IGSF3: variants seen among roughly 807,000 people sequenced by gnomAD.
IGSF3 encodes immunoglobulin superfamily member 3.
Under a neutral mutation model 114.4 loss-of-function variants are expected in IGSF3, and 23 were observed. That is an observed-to-expected ratio of 0.20 (90% confidence interval 0.14 to 0.28). The LOEUF (loss-of-function observed/expected upper bound fraction) is 0.28. IGSF3 is among the 10% of genes least tolerant of loss of function. The pLI is 1.00. For synonymous variants in IGSF3, 571 were observed against 645.2 expected, an observed-to-expected ratio of 0.88 and a Z score of 1.74; for missense variants, 1,172 against 1,591.5, an observed-to-expected ratio of 0.74 and a Z score of 4.48.
chr1:116,646,033 C>A (rs766235410), intron 2 of IGSF3, among the ~76,000 whole-genome samples: 25 of 152,228 alleles, frequency 1.6e-4, no homozygotes, highest in African/African-American at 2.7e-4. Flanking sequence ...TTGCAAAAGG[C>A]CAGCCTGGCT....
chr1:116,616,387 G>A lies in IGSF3; in HGVS notation c.114C>T (p.Ile38=). The stretch of plus-strand genomic sequence containing the variant: ...AGCCACTCACATTGCACCAGATAGT[G>A]ATGTGGGAGCCCTCCGTGCGGTACA... The part of the protein sequence containing the change: ...GPLYRTEGSH[I]TIWCNVSGYQ... Residue 38 remains isoleucine (I), a synonymous_variant, in exon 3 of 11, where the codon ATC becomes ATT. Coordinates refer to ENST00000369486, the MANE Select transcript of IGSF3 (RefSeq NM_001007237.3). This position sits in a 1 kb window ranked among gnomAD's most constrained non-coding sequence, Gnocchi z 6.6. 1.9e-6 allele frequency: 3 copies of A among 1,610,818 alleles called. No homozygotes were observed. Among genetic ancestry groups the A allele is most frequent in the Non-Finnish European group, 2.5e-6 (3 of 1,178,708 alleles).
chr1:116,627,906 A>G lies in IGSF3; in HGVS notation c.44-11449T>C, dbSNP rs1247686556. Among the ~76,000 whole-genome samples, 1 of 151,980 alleles carries G rather than the reference A, an allele frequency of 6.6e-6. No individual in the cohort carries two copies. Among genetic ancestry groups the G allele is most frequent in the Non-Finnish European group, 1.5e-5 (1 of 68,020 alleles). ...CAAAGGAACCTCAGAGCCGTGTCCT[A>G]CTCAGAGCAGCCCCTTCAGCTCTTC... On this transcript the variant is annotated intron_variant, in intron 2 of 10. Transcript: ENST00000369486. This position sits in a 1 kb window ranked among gnomAD's most constrained non-coding sequence, Gnocchi z 4.7.
intron 2 of IGSF3, chr1:116,646,913 C>T (rs1648402490): frequency 6.6e-6 from 1 of 152,302 alleles, no homozygotes; most frequent in African/African-American, 2.4e-5. Flanking sequence ...GCCAGCACCG[C>T]ACACTTAAAC....
chr1:116,602,970 C>T (rs980729598), intron 6 of IGSF3, among the ~76,000 whole-genome samples: 6 of 152,168 alleles, frequency 3.9e-5, no homozygotes, highest in African/African-American at 7.2e-5. Context: ...GTATGGGCCC[C>T]GTCAGGTAGT....
chr1:116,635,249 C>G (rs1187998844), intron 2 of IGSF3, among the ~76,000 whole-genome samples: 2 of 152,294 alleles, frequency 1.3e-5, no homozygotes, highest in Middle Eastern at 3.4e-3. Context: ...CTTGACCAAG[C>G]CCTTGAGTCA....
chr1:116,579,906 A>AG lies in IGSF3; in HGVS notation c.2849-30dup. ...GGGAATGACAAGGGACAAACAGGGA[A>AG]GGGGTTGTTTAAATTTATTTGCTCA... On this transcript the variant is annotated intron_variant, in intron 9 of 10. Coordinates refer to ENST00000369486, the MANE Select transcript of IGSF3 (RefSeq NM_001007237.3). The surrounding 1 kb of genome is among the most constrained non-coding windows in gnomAD (Gnocchi z 6.4). The AG allele has an allele frequency of 6.4e-7, 1 of 1,556,944 alleles. No individual in the cohort carries two copies. The highest frequency in any genetic ancestry group is 1.2e-5 in the South Asian group (1 of 84,786).
Position 116,629,503 on chromosome 1 carries a change from CAG to C in IGSF3, c.44-13048_44-13047del, listed in dbSNP as rs1353892383. ...CCTCATAAAACCCAAAAAAAGAAGT[CAG>C]AGAGGGGTGAATATTTTGGTACAGA... On this transcript the variant is annotated intron_variant, in intron 2 of 10. Transcript: ENST00000369486. The surrounding 1 kb of genome is among the most constrained non-coding windows in gnomAD (Gnocchi z 4.3). Among the ~76,000 whole-genome samples, 1 of 152,056 alleles carries C rather than the reference CAG, an allele frequency of 6.6e-6. No individual in the cohort carries two copies. Among genetic ancestry groups the C allele is most frequent in the African/African-American group, 2.4e-5 (1 of 41,398 alleles).
chr1:116,666,180 TC>T, intron 2 of IGSF3, 103 bp downstream of exon 2: 1 of 1,106,044 alleles, frequency 9.0e-7, no homozygotes, highest in Non-Finnish European at 1.4e-6. Context: ...CCTCCTGGTG[TC>T]CCCCAAATCC....
chr1:116,591,525 G>T (rs1193132388), intron 7 of IGSF3, among the ~76,000 whole-genome samples: 1 of 152,208 alleles, frequency 6.6e-6, no homozygotes, highest in Non-Finnish European at 1.5e-5. Flanking sequence ...TGAATTCAAG[G>T]AAGAGAAATG....
In IGSF3 at chr1:116,642,449, G is replaced by A. The variant is rs1378403690; in HGVS notation, c.43+23835C>T. On this transcript the variant is annotated intron_variant, in intron 2 of 10. Transcript: ENST00000369486. This position sits in a 1 kb window ranked among gnomAD's most constrained non-coding sequence, Gnocchi z 5.4. The stretch of plus-strand genomic sequence containing the variant: ...GGAGTCCCCACGCTTAGGGGAAGGG[G>A]CTCAGGCACTGGGAGTCGGTCAGGG... Among the ~76,000 whole-genome samples, 1 of 152,158 alleles carries A rather than the reference G, an allele frequency of 6.6e-6. No homozygotes were observed. Among genetic ancestry groups the A allele is most frequent in the Non-Finnish European group, 1.5e-5 (1 of 68,024 alleles).
intron 2 of IGSF3, among the ~76,000 whole-genome samples, chr1:116,640,919 T>C (rs768476777): frequency 9.9e-5 from 15 of 152,232 alleles, no homozygotes; most frequent in Non-Finnish European, 1.8e-4. Flanking sequence ...CAATCAGATA[T>C]AAGGATGAAA....
chr1:116,641,265 T>C (rs1235066408), intron 2 of IGSF3, among the ~76,000 whole-genome samples: 1 of 151,868 alleles, frequency 6.6e-6, no homozygotes, highest in Non-Finnish European at 1.5e-5. Flanking sequence ...TGGAAGGCCA[T>C]GGCAGAGGAT....
chr1:116,611,491 A>G (rs1169566509), intron 4 of IGSF3, among the ~76,000 whole-genome samples: 1 of 152,102 alleles, frequency 6.6e-6, no homozygotes, highest in Non-Finnish European at 1.5e-5. Context: ...CTTGGCTCAC[A>G]GAGTCAAGCC....
In IGSF3 at chr1:116,666,775, A is replaced by C. The variant is rs962546221; in HGVS notation, c.-449T>G. On this transcript the variant is annotated 5_prime_UTR_variant, in exon 2 of 11. Coordinates refer to ENST00000369486, the MANE Select transcript of IGSF3 (RefSeq NM_001007237.3). Reference sequence around the variant, plus strand: ...CAGAGAGAACAGGGCAGGTTTCGTCAAAACCTTTGACGGCCAAATCACCCT... The same window carrying C: ...CAGAGAGAACAGGGCAGGTTTCGTCCAAACCTTTGACGGCCAAATCACCCT... 12 of 414,602 alleles carry C rather than the reference A, an allele frequency of 2.9e-5. No homozygotes were observed. Among genetic ancestry groups the C allele is most frequent in the Non-Finnish European group, 5.1e-5 (12 of 235,402 alleles). 25.7% of individuals were successfully genotyped at this position (414,602 alleles called of 1,614,324 possible). A position where few individuals can be genotyped will look rare whatever the true frequency, so the allele number is the denominator to read the frequency against.
rs1256836851 is a variant in IGSF3, at chr1:116,633,806, G to A, written c.44-17349C>T. On this transcript the variant is annotated intron_variant, in intron 2 of 10. Coordinates refer to ENST00000369486, the MANE Select transcript of IGSF3 (RefSeq NM_001007237.3). This position sits in a 1 kb window ranked among gnomAD's most constrained non-coding sequence, Gnocchi z 4.3. Reference sequence around the variant, plus strand: ...AAAATGAAAAGCCAACATAGAAAAAGTCTGACTTGAATTAGAAGCAGCACT... The same window carrying A: ...AAAATGAAAAGCCAACATAGAAAAAATCTGACTTGAATTAGAAGCAGCACT... Among the ~76,000 whole-genome samples the A allele has an allele frequency of 6.6e-6, 1 of 152,226 alleles. No homozygotes were observed. Among genetic ancestry groups the A allele is most frequent in the African/African-American group, 2.4e-5 (1 of 41,454 alleles).
chr1:116,607,831 C>A lies in IGSF3; in HGVS notation c.1222+111G>T. The A allele has an allele frequency of 9.3e-7, 1 of 1,079,632 alleles. No homozygotes were observed. Among genetic ancestry groups the A allele is most frequent in the East Asian group, 2.4e-5 (1 of 42,100 alleles). 66.9% of individuals were successfully genotyped at this position (1,079,632 alleles called of 1,614,324 possible). On this transcript the variant is annotated intron_variant, in intron 5 of 10. Transcript: ENST00000369486. The surrounding 1 kb of genome is among the most constrained non-coding windows in gnomAD (Gnocchi z 6.1). Reference sequence around the variant, plus strand: ...TTTTCCCCCAGCTCTGCATTAACCTCGAGGGTTCCATCTGCCTCCCCTCAC... The same window carrying A: ...TTTTCCCCCAGCTCTGCATTAACCTAGAGGGTTCCATCTGCCTCCCCTCAC...
rs1196196749 is a variant in IGSF3 at position 116,615,841 on chromosome 1, G to A, written c.421+239C>T. On this transcript the variant is annotated intron_variant, in intron 3 of 10. Transcript: ENST00000369486. The surrounding 1 kb of genome is among the most constrained non-coding windows in gnomAD (Gnocchi z 4.3). ...TCCCTTTTCACCAGTTACAGGGTTA[G>A]TTAACTTATGAAATTCTTAACATCT... Among the ~76,000 whole-genome samples the A allele has an allele frequency of 6.6e-6, 1 of 152,190 alleles. No individual in the cohort carries two copies. Among genetic ancestry groups the A allele is most frequent in the Admixed American group, 6.5e-5 (1 of 15,286 alleles).
Position 116,614,750 on chromosome 1 carries a change from A to G in IGSF3, c.422-575T>C, listed in dbSNP as rs797613. 0.58 allele frequency among the ~76,000 whole-genome samples: 87,958 copies of G among 151,970 alleles called. 28,240 individuals carry two copies. The highest frequency in any genetic ancestry group is 0.87 in the African/African-American group (36,268 of 41,450). ...TATTTTTAGTGGGTTTAATTTTCGC[A>G]TAATTCATCGATCAAAGGGGTCCTC... On this transcript the variant is annotated intron_variant, in intron 3 of 10. Transcript: ENST00000369486. This position sits in a 1 kb window ranked among gnomAD's most constrained non-coding sequence, Gnocchi z 4.5.
rs561873299 is a variant in IGSF3, at chr1:116,615,358, A to C, written c.421+722T>G. Among the ~76,000 whole-genome samples the C allele has an allele frequency of 1.3e-5, 2 of 152,348 alleles. No homozygotes were observed. Among genetic ancestry groups the C allele is most frequent in the Non-Finnish European group, 2.9e-5 (2 of 68,036 alleles). ...CACAGACTAGTTAGAGAAAGTAAAA[A>C]TAAACAAATGATAGTATGTGTATTA... On this transcript the variant is annotated intron_variant, in intron 3 of 10. Coordinates refer to ENST00000369486, the MANE Select transcript of IGSF3 (RefSeq NM_001007237.3). The surrounding 1 kb of genome is among the most constrained non-coding windows in gnomAD (Gnocchi z 4.3).
Sources: gnomAD v4.1 joint callset for allele counts (sites outside exome capture counted in the v4.1 genomes callset) on GRCh38, gnomAD v4.1.1 for gene constraint, Gnocchi (gnomAD v3.1) non-coding constraint, MANE v1.5 for transcripts, NCBI Gene and HGNC (gene_info 2026-07-23, HGNC 2026-07-21) for gene names.